SLC22A25: variants seen among roughly 807,000 people sequenced by gnomAD.
The protein encoded by SLC22A25 is MGI:2442751, MGI:2385316, MGI:3042283, MGI:3645714, MGI:3605624, MGI:2442750.
SLC22A25 carries 44 observed loss-of-function variants against 45.9 expected under a neutral mutation model. That is an observed-to-expected ratio of 0.96 (90% confidence interval 0.75 to 1.23). SLC22A25 has a LOEUF of 1.23. Ranked by LOEUF, SLC22A25 falls within the 50% of genes most tolerant of loss-of-function variation. The pLI is 0.00. For synonymous variants in SLC22A25, 283 were observed against 238.6 expected, an observed-to-expected ratio of 1.19 and a Z score of -1.72; for missense variants, 800 against 666.4, an observed-to-expected ratio of 1.20 and a Z score of -2.21.
At chr11:63,192,356 A>T (rs2088846730) in intron 7 of SLC22A25, among the ~76,000 whole-genome samples, 1 of 152,342 alleles carries the variant, frequency 6.6e-6, no homozygotes, top group African/African-American at 2.4e-5. Context: ...TATGGAAAAG[A>T]AAGTCCATTA....
chr11:63,193,216 A>G (rs1293215133), intron 7 of SLC22A25, among the ~76,000 whole-genome samples: 3 of 151,924 alleles, frequency 2.0e-5, no homozygotes, highest in African/African-American at 2.4e-5. Flanking sequence ...TCCAGTCTAC[A>G]CCTCCCAGCA....
chr11:63,215,447 G>T (rs1388913448), intron 7 of SLC22A25, among the ~76,000 whole-genome samples: 2 of 152,158 alleles, frequency 1.3e-5, no homozygotes, highest in Non-Finnish European at 2.9e-5. Context: ...TGGGAGACTA[G>T]GGGAGGGATA....
chr11:63,200,232 T>G (rs891493861), intron 7 of SLC22A25, among the ~76,000 whole-genome samples: 1 of 150,664 alleles, frequency 6.6e-6, no homozygotes, highest in African/African-American at 2.4e-5. Flanking sequence ...ACATCCTTGA[T>G]GAACATCAGT....
intron 7 of SLC22A25, among the ~76,000 whole-genome samples, chr11:63,214,753 G>A (rs1026550179): frequency 4.1e-5 from 6 of 147,398 alleles, no homozygotes; most frequent in African/African-American, 1.3e-4. Flanking sequence ...CCCACGAAAT[G>A]TTTAAAAGGT....
At chr11:63,199,936 C>A (rs901028196) in intron 7 of SLC22A25, among the ~76,000 whole-genome samples, 11 of 152,016 alleles carry the variant, frequency 7.2e-5, no homozygotes, top group African/African-American at 2.7e-4. Context: ...TGCAAGATCA[C>A]CATTGAAAGT....
chr11:63,180,572 T>A, intron 9 of SLC22A25, 88 bp downstream of exon 9: 1 of 902,752 alleles, frequency 1.1e-6, no homozygotes, highest in South Asian at 1.9e-5. Flanking sequence ...CCCAAATATT[T>A]TCCTTCAACA....
intron 3 of SLC22A25, among the ~76,000 whole-genome samples, chr11:63,234,448 T>C (rs1429517131): frequency 6.6e-6 from 1 of 152,200 alleles, no homozygotes; most frequent in Non-Finnish European, 1.5e-5. Context: ...TATCAGAGAC[T>C]AGGATTGCAA....
At chr11:63,196,015 A>C (rs373380747) in intron 7 of SLC22A25, among the ~76,000 whole-genome samples, 1 of 152,222 alleles carries the variant, frequency 6.6e-6, no homozygotes, top group South Asian at 2.1e-4. Flanking sequence ...GAAATGGATA[A>C]ATTCCTGGAC....
intron 3 of SLC22A25, among the ~76,000 whole-genome samples, chr11:63,233,848 T>C (rs993275974): frequency 6.6e-6 from 1 of 152,200 alleles, no homozygotes; most frequent in Non-Finnish European, 1.5e-5. Context: ...TTTGTTCTCA[T>C]TGGTTTCAAA....
At chr11:63,211,418 G>A (rs894746407) in intron 7 of SLC22A25, among the ~76,000 whole-genome samples, 1 of 152,070 alleles carries the variant, frequency 6.6e-6, no homozygotes, top group Non-Finnish European at 1.5e-5. Flanking sequence ...CACAATGTTG[G>A]GACAGATTCC....
At chr11:63,190,704 G>A (rs547713478) in intron 7 of SLC22A25, among the ~76,000 whole-genome samples, 80 of 152,158 alleles carry the variant, frequency 5.3e-4, no homozygotes, top group African/African-American at 1.9e-3. Context: ...TTTGATGATG[G>A]TGACTTACAG....
In SLC22A25 at chr11:63,158,964, G is replaced by A. The variant is rs1429246924; in HGVS notation, c.*4860C>T. Among the ~76,000 whole-genome samples the A allele has an allele frequency of 6.6e-6, 1 of 151,940 alleles. No homozygotes were observed. Among genetic ancestry groups the A allele is most frequent in the African/African-American group, 2.4e-5 (1 of 41,368 alleles). On this transcript the variant is annotated 3_prime_UTR_variant, in exon 12 of 12. Transcript: ENST00000306494. ...TCTCTCTATGTCTATGAGTTCAATT[G>A]TTTTTATTTTTATCTCACACAAATA...
At chr11:63,177,884 A>T in intron 9 of SLC22A25, among the ~76,000 whole-genome samples, 1 of 139,872 alleles carries the variant, frequency 7.1e-6, no homozygotes, top group South Asian at 2.2e-4. Flanking sequence ...ATGTATATAT[A>T]TAATATATAT....
At chr11:63,214,135 C>A (rs1217876387) in intron 7 of SLC22A25, among the ~76,000 whole-genome samples, 1 of 152,152 alleles carries the variant, frequency 6.6e-6, no homozygotes, top group African/African-American at 2.4e-5. Context: ...TGGTTCTTAG[C>A]TTTTGGAGGA....
In SLC22A25 at chr11:63,229,617, G is replaced by A. The variant is rs781100545; in HGVS notation, c.36C>T (p.Gly12=). The change falls in exon 4 of 12, where the codon GGC becomes GGT. Residue 12 remains glycine (G), a synonymous_variant. Transcript: ENST00000306494. ...AFQDLLDQVG[G]LGRFQILQMV... is the part of the protein sequence containing the mutation. The stretch of plus-strand genomic sequence containing the variant: ...TCTGAAGGATCTGGAATCTCCCCAG[G>A]CCTCCAACTTGATCTAGGAGGTCCT... The A allele has an allele frequency of 3.1e-6, 5 of 1,610,124 alleles. No homozygotes were observed. The highest frequency in any genetic ancestry group is 3.4e-6 in the Non-Finnish European group (4 of 1,176,628).
In SLC22A25 at chr11:63,198,089, A is replaced by G. The variant is rs1016573438; in HGVS notation, c.831-14272T>C. Among the ~76,000 whole-genome samples the G allele has an allele frequency of 3.9e-5, 6 of 152,140 alleles. No individual in the cohort carries two copies. In the East Asian group the frequency reaches 7.7e-4, roughly 20 times the overall value. ...TCAGGAAACCACAGGTGCTGGAGAG[A>G]ATGTGGAGAAATAGGAACACTTTTA... On this transcript the variant is annotated intron_variant, in intron 7 of 11. Coordinates refer to ENST00000306494, the MANE Select transcript of SLC22A25 (RefSeq NM_199352.6).
At chr11:63,212,646 A>G (rs557084058) in intron 7 of SLC22A25, among the ~76,000 whole-genome samples, 3 of 116,468 alleles carry the variant, frequency 2.6e-5, no homozygotes, top group East Asian at 6.1e-4. Flanking sequence ...GAAGGGGAAC[A>G]TCACACACTG....
chr11:63,186,005 C>T (rs1168802311), intron 7 of SLC22A25, among the ~76,000 whole-genome samples: 5 of 151,968 alleles, frequency 3.3e-5, no homozygotes, highest in Admixed American at 6.6e-5. Flanking sequence ...AATAAACATA[C>T]GTGTGCATGT....
At position 63,213,191 on chromosome 11, in the gene SLC22A25, T is replaced by G. The variant is rs116320051; in HGVS notation, c.830+4123A>C. On this transcript the variant is annotated intron_variant, in intron 7 of 11. Coordinates refer to ENST00000306494, the MANE Select transcript of SLC22A25 (RefSeq NM_199352.6). ...ATCTGGATTCCAAACTTCTCCCTTA[T>G]AGCAAGGCTCCTCCCTTATATGAGG... is the stretch of plus-strand genomic sequence containing the variant. Among the ~76,000 whole-genome samples the G allele has an allele frequency of 3.1e-3, 475 of 152,210 alleles. 1 individual carries two copies. Among genetic ancestry groups the G allele is most frequent in the African/African-American group, 0.01 (427 of 41,528 alleles).
Sources: allele counts gnomAD v4.1 joint callset (sites outside exome capture counted in the v4.1 genomes callset), GRCh38; gene constraint gnomAD v4.1.1; transcripts MANE v1.5; gene names NCBI Gene and HGNC (gene_info 2026-07-23, HGNC 2026-07-21).